The following PCDH15 variants were observed in gnomAD, a reference collection of about 807,000 sequenced individuals.
PCDH15 encodes protocadherin related 15.
A neutral mutation model predicts 178.5 loss-of-function variants in PCDH15; 129 were observed. The observed-to-expected ratio is 0.72, with a 90% CI of 0.63 to 0.84. PCDH15 has a LOEUF of 0.84. PCDH15 is among the 40% of genes least tolerant of loss of function. The probability of loss-of-function intolerance (pLI) is 0.00; values close to 1 mark genes in which losing one functional copy is unlikely to be tolerated. For synonymous variants in PCDH15, 800 were observed against 732.0 expected (o/e 1.09, Z -1.50); for missense variants, 2,230 against 2,099.9 (o/e 1.06, Z -1.21).
chr10:55,063,568 A>G (rs1350217023), intron 2 of PCDH15, among the ~76,000 whole-genome samples: 1 of 152,084 alleles, frequency 6.6e-6, no homozygotes, highest in African/African-American at 2.4e-5. Flanking sequence ...GAGAATTACT[A>G]TCTTTTTTCT....
intron 21 of PCDH15, among the ~76,000 whole-genome samples, chr10:53,981,890 A>C (rs1050684228): frequency 6.0e-5 from 9 of 150,156 alleles, no homozygotes; most frequent in South Asian, 2.1e-4. Context: ...GCAACCTACA[A>C]AATGGGAGAA....
At chr10:55,115,491 G>A (rs1182494287) in intron 2 of PCDH15, among the ~76,000 whole-genome samples, 1 of 152,164 alleles carries the variant, frequency 6.6e-6, no homozygotes, top group Non-Finnish European at 1.5e-5. Flanking sequence ...TCTTAGAGCT[G>A]AAACCACTTG....
At chr10:53,828,388 G>A (rs560636565) in intron 31 of PCDH15, among the ~76,000 whole-genome samples, 177 bp downstream of exon 31, 15 of 152,024 alleles carry the variant, frequency 9.9e-5, no homozygotes, top group Non-Finnish European at 1.5e-5. Context: ...TGCAAGTTAC[G>A]TCCAATTGTC....
chr10:55,252,359 C>T (rs146503451), intron 1 of PCDH15, among the ~76,000 whole-genome samples: 1 of 152,078 alleles, frequency 6.6e-6, no homozygotes, highest in African/African-American at 2.4e-5. Context: ...TATGTCTGTG[C>T]CCTAGATGTA....
intron 8 of PCDH15, among the ~76,000 whole-genome samples, chr10:54,249,543 C>T (rs141492968): frequency 3.9e-4 from 59 of 152,174 alleles, no homozygotes; most frequent in African/African-American, 1.3e-3. Flanking sequence ...ATTTTATTTC[C>T]ATGGCATATG....
chr10:54,679,644 C>G (rs2094863404), intron 1 of PCDH15, among the ~76,000 whole-genome samples: 1 of 151,946 alleles, frequency 6.6e-6, no homozygotes, highest in Non-Finnish European at 1.5e-5. Context: ...TCTTGAGCAA[C>G]AGTAATTACA....
At chr10:54,104,701 G>T (rs2094876751) in intron 15 of PCDH15, among the ~76,000 whole-genome samples, 1 of 151,944 alleles carries the variant, frequency 6.6e-6, no homozygotes, top group South Asian at 2.1e-4. Flanking sequence ...GCTGGGCGTG[G>T]TGGCGGGCGC....
intron 26 of PCDH15, among the ~76,000 whole-genome samples, chr10:53,896,942 A>G (rs528138269): frequency 6.6e-6 from 1 of 152,136 alleles, no homozygotes; most frequent in Admixed American, 6.6e-5. Flanking sequence ...ATTTCATTAT[A>G]TATTACGATG....
At chr10:53,993,041 A>G (rs997459626) in intron 21 of PCDH15, among the ~76,000 whole-genome samples, 10 of 152,250 alleles carry the variant, frequency 6.6e-5, no homozygotes, top group Non-Finnish European at 1.2e-4. Context: ...TTCATTCAAA[A>G]GAAACAGGAT....
chr10:55,365,904 T>A (rs1845346253), intron 2 of PCDH15, among the ~76,000 whole-genome samples: 1 of 152,090 alleles, frequency 6.6e-6, no homozygotes, highest in Non-Finnish European at 1.5e-5. Flanking sequence ...TCCCATTGTA[T>A]CCTATCAGTA....
At chr10:54,740,358 T>G (rs1189566705) in intron 1 of PCDH15, among the ~76,000 whole-genome samples, 1 of 151,420 alleles carries the variant, frequency 6.6e-6, no homozygotes, top group African/African-American at 2.4e-5. Flanking sequence ...TAGCTATAAT[T>G]AAAAAGACAA....
At chr10:55,585,178 G>A (rs1361751016) in intron 2 of PCDH15, among the ~76,000 whole-genome samples, 2 of 151,964 alleles carry the variant, frequency 1.3e-5, no homozygotes, top group East Asian at 3.9e-4. Context: ...ACAGCCTCAC[G>A]GGATTACTGG....
intron 2 of PCDH15, among the ~76,000 whole-genome samples, chr10:55,515,723 TA>T (rs935120925): frequency 5.9e-5 from 9 of 151,698 alleles, no homozygotes; most frequent in African/African-American, 2.2e-4. Flanking sequence ...AATGCCACCT[TA>T]AAAAAAAGTC....
At chr10:53,876,022 G>T (rs1181035513) in intron 26 of PCDH15, among the ~76,000 whole-genome samples, 1 of 152,068 alleles carries the variant, frequency 6.6e-6, no homozygotes, top group South Asian at 2.1e-4. Context: ...GGTATTGAAG[G>T]CTCACTTACC....
intron 2 of PCDH15, among the ~76,000 whole-genome samples, chr10:55,350,726 T>C (rs1313994464): frequency 6.6e-6 from 1 of 152,084 alleles, no homozygotes; most frequent in Non-Finnish European, 1.5e-5. Flanking sequence ...TAAACCTAAA[T>C]AGGAAAATTT....
intron 21 of PCDH15, among the ~76,000 whole-genome samples, chr10:53,980,888 T>G (rs1433618928): frequency 6.6e-6 from 1 of 152,198 alleles, no homozygotes; most frequent in Non-Finnish European, 1.5e-5. Context: ...GATTTAGGTA[T>G]CTTTCTAAAT....
intron 8 of PCDH15, among the ~76,000 whole-genome samples, chr10:54,243,424 G>A (rs529584527): frequency 2.6e-5 from 4 of 152,204 alleles, no homozygotes; most frequent in African/African-American, 4.8e-5. Context: ...GGAGAATGGC[G>A]TGAACCTGGG....
At chr10:53,869,721 C>T (rs866594268) in intron 26 of PCDH15, among the ~76,000 whole-genome samples, 1 of 151,884 alleles carries the variant, frequency 6.6e-6, no homozygotes, top group African/African-American at 2.4e-5. Context: ...GCTGGAGGAT[C>T]ACCTGAGCCC....
At chr10:53,928,432 C>T (rs1255456701) in intron 25 of PCDH15, among the ~76,000 whole-genome samples, 1 of 151,904 alleles carries the variant, frequency 6.6e-6, no homozygotes, top group Non-Finnish European at 1.5e-5. Flanking sequence ...AAGTGCAGAC[C>T]TGACCTTGAT....
Sources: allele counts gnomAD v4.1 joint callset (sites outside exome capture counted in the v4.1 genomes callset), GRCh38; gene constraint gnomAD v4.1.1; transcripts MANE v1.5; gene names NCBI Gene and HGNC (gene_info 2026-07-23, HGNC 2026-07-21).